ZPBP: variants seen among roughly 807,000 people sequenced by gnomAD.
ZPBP encodes zona pellucida binding protein.
ZPBP carries 26 observed loss-of-function variants against 44.8 expected under a neutral mutation model. The observed-to-expected ratio is 0.58, with a 90% CI of 0.43 to 0.81. ZPBP has a LOEUF of 0.81. Among genes scored for constraint, ZPBP ranks in the 30% least tolerant of loss-of-function variants. The pLI, the probability that ZPBP is intolerant of heterozygous loss-of-function variation, is 0.00. For missense variants in ZPBP, 409 were observed against 434.0 expected (o/e 0.94, Z 0.51); for synonymous variants, 174 against 153.2 (o/e 1.14, Z -1.00).
At chr7:49,897,421 A>G (rs1180473061) in intron 2 of ZPBP, among the ~76,000 whole-genome samples, 1 of 152,216 alleles carries the variant, frequency 6.6e-6, no homozygotes, top group Non-Finnish European at 1.5e-5. Flanking sequence ...ATACATCAAT[A>G]CAGAAGAAGA....
In ZPBP at chr7:50,025,529, A is replaced by C. The variant is rs1799282851; in HGVS notation, c.706+5563T>G. On this transcript the variant is annotated intron_variant, in intron 5 of 7. Coordinates refer to ENST00000046087, the MANE Select transcript of ZPBP (RefSeq NM_007009.3). ...CACAAAGGAAAAAAACGGCAATTCA[A>C]GGGAGAAAATATAGTCATTTAAAAA... 2.0e-5 allele frequency among the ~76,000 whole-genome samples: 3 copies of C among 152,022 alleles called. 1 individual carries two copies. In the South Asian group the frequency reaches 6.2e-4, roughly 32 times the overall value.
intron 1 of ZPBP, among the ~76,000 whole-genome samples, chr7:50,091,112 C>T (rs1308919693): frequency 6.6e-6 from 1 of 151,666 alleles, no homozygotes; most frequent in Admixed American, 6.6e-5. Context: ...TGTATATCTT[C>T]TTTTGAGAAC....
chr7:50,047,785 T>A (rs1053722392), intron 4 of ZPBP, among the ~76,000 whole-genome samples: 1 of 151,514 alleles, frequency 6.6e-6, no homozygotes, highest in African/African-American at 2.4e-5. Context: ...CTAAACCAAG[T>A]CCCCCACAGC....
chr7:50,028,395 G>A (rs1799433367), intron 5 of ZPBP, among the ~76,000 whole-genome samples: 2 of 151,996 alleles, frequency 1.3e-5, no homozygotes, highest in South Asian at 4.2e-4. Flanking sequence ...GTGAAAGACT[G>A]AAAGCTTTCC....
At chr7:50,035,429 C>T (rs563652217) in intron 4 of ZPBP, among the ~76,000 whole-genome samples, 11 of 152,196 alleles carry the variant, frequency 7.2e-5, no homozygotes, top group Admixed American at 5.9e-4. Context: ...AATATCAACA[C>T]AGTAGAAATA....
At chr7:50,007,314 A>G (rs1360182275) in intron 6 of ZPBP, among the ~76,000 whole-genome samples, 1 of 152,098 alleles carries the variant, frequency 6.6e-6, no homozygotes, top group East Asian at 1.9e-4. Flanking sequence ...TCCTAGAAAC[A>G]TACAACCTAC....
At chr7:49,997,731 C>G (rs1797912260) in intron 6 of ZPBP, among the ~76,000 whole-genome samples, 1 of 152,142 alleles carries the variant, frequency 6.6e-6, no homozygotes, top group African/African-American at 2.4e-5. Flanking sequence ...AGGTGGAACA[C>G]CACTGTCATT....
At chr7:49,903,145 G>A (rs1792868852) in intron 1 of ZPBP, among the ~76,000 whole-genome samples, 1 of 152,124 alleles carries the variant, frequency 6.6e-6, no homozygotes, top group African/African-American at 2.4e-5. Context: ...AACTGGATTC[G>A]TGGTTGGACT....
At chr7:50,005,528 T>A (rs1176080120) in intron 6 of ZPBP, among the ~76,000 whole-genome samples, 1 of 152,046 alleles carries the variant, frequency 6.6e-6, no homozygotes, top group Non-Finnish European at 1.5e-5. Flanking sequence ...ATTTTGCACA[T>A]GACTGACATT....
At chr7:49,998,791 T>G (rs6583410) in intron 6 of ZPBP, among the ~76,000 whole-genome samples, 2 of 151,874 alleles carry the variant, frequency 1.3e-5, no homozygotes, top group Admixed American at 1.3e-4. Flanking sequence ...GAAAACTTAC[T>G]CTTAAAATTC....
chr7:49,898,168 A>ATG (rs955216494), intron 2 of ZPBP, among the ~76,000 whole-genome samples: 2 of 151,858 alleles, frequency 1.3e-5, no homozygotes, highest in Non-Finnish European at 2.9e-5. Flanking sequence ...TATGCTTTAT[A>ATG]TGTGTGTGTG....
intron 1 of ZPBP, among the ~76,000 whole-genome samples, chr7:49,911,086 T>G (rs1793393143): frequency 6.6e-6 from 1 of 152,186 alleles, no homozygotes; most frequent in African/African-American, 2.4e-5. Flanking sequence ...AAGGTCTTAG[T>G]TATGCTTTTT....
chr7:50,059,753 G>A (rs1801154582), intron 3 of ZPBP, among the ~76,000 whole-genome samples: 1 of 152,086 alleles, frequency 6.6e-6, no homozygotes, highest in African/African-American at 2.4e-5. Context: ...ATACCTAAAT[G>A]CCTACTACAA....
intron 7 of ZPBP, among the ~76,000 whole-genome samples, chr7:49,955,467 G>C (rs923043098): frequency 1.3e-5 from 2 of 152,170 alleles, no homozygotes; most frequent in South Asian, 2.1e-4. Context: ...AGAGGCAGGA[G>C]AATCACCTGA....
chr7:49,940,341 C>A (rs1794820639), intron 7 of ZPBP, among the ~76,000 whole-genome samples: 1 of 152,002 alleles, frequency 6.6e-6, no homozygotes, highest in African/African-American at 2.4e-5. Flanking sequence ...ATATAATTAA[C>A]TCATATAAAT....
intron 2 of ZPBP, among the ~76,000 whole-genome samples, chr7:49,871,851 G>A (rs1172304548): frequency 6.8e-6 from 1 of 146,550 alleles, no homozygotes; most frequent in African/African-American, 2.5e-5. Context: ...GTACATGTAT[G>A]CATATACATA....
chr7:49,979,474 C>A (rs1414369089), intron 7 of ZPBP, among the ~76,000 whole-genome samples: 2 of 151,806 alleles, frequency 1.3e-5, no homozygotes, highest in South Asian at 2.1e-4. Context: ...AAAACAATTA[C>A]CTTGATCAAA....
intron 1 of ZPBP, among the ~76,000 whole-genome samples, chr7:50,091,653 T>G (rs1328028397): frequency 6.6e-6 from 1 of 152,244 alleles, no homozygotes; most frequent in Non-Finnish European, 1.5e-5. Flanking sequence ...TCAATGTTTA[T>G]GTTAACTTAT....
rs537571153 is a variant in ZPBP at position 49,998,726 on chromosome 7, T to A, written c.784-15207A>T. On this transcript the variant is annotated intron_variant, in intron 6 of 7. Coordinates refer to ENST00000046087, the MANE Select transcript of ZPBP (RefSeq NM_007009.3). The stretch of plus-strand genomic sequence containing the variant: ...CAGATGAGATTCAGAGTGATTAGTA[T>A]CTTTAAATCTAGTAAGACTAGAGAG... Among the ~76,000 whole-genome samples the A allele has an allele frequency of 4.6e-5, 7 of 152,266 alleles. No homozygotes were observed. In the South Asian group the frequency reaches 1.2e-3, roughly 27 times the overall value.
Sources: gnomAD v4.1 joint callset for allele counts (sites outside exome capture counted in the v4.1 genomes callset) on GRCh38, gnomAD v4.1.1 for gene constraint, MANE v1.5 for transcripts, NCBI Gene and HGNC (gene_info 2026-07-23, HGNC 2026-07-21) for gene names.